The following TMEM184C variants were observed in gnomAD, a reference collection of about 807,000 sequenced individuals.
TMEM184C encodes the protein transmembrane protein 184C.
TMEM184C carries 25 observed loss-of-function variants against 54.5 expected under a neutral mutation model. The observed-to-expected ratio is 0.46, with a 90% CI of 0.33 to 0.64. TMEM184C has a LOEUF of 0.64. Ranked by LOEUF, TMEM184C falls within the 30% of genes least tolerant of loss-of-function variation. TMEM184C has a pLI of 0.02. For synonymous variants in TMEM184C, 148 were observed against 181.5 expected, an observed-to-expected ratio of 0.82 and a Z score of 1.49; for missense variants, 335 against 520.3, an observed-to-expected ratio of 0.64 and a Z score of 3.46.
intron 4 of TMEM184C, among the ~76,000 whole-genome samples, chr4:147,627,194 G>C (rs1181657273): frequency 6.6e-6 from 1 of 152,174 alleles, no homozygotes; most frequent in African/African-American, 2.4e-5. Context: ...GGCATCAGAG[G>C]CTTGTCTAAA....
intron 1 of TMEM184C, among the ~76,000 whole-genome samples, chr4:147,623,009 G>A (rs1034650449): frequency 5.3e-5 from 8 of 152,150 alleles, no homozygotes; most frequent in Non-Finnish European, 1.0e-4. Context: ...GCAATCATGA[G>A]CCACCTCACT....
At chr4:147,627,925 G>C (rs1464698402) in intron 4 of TMEM184C, among the ~76,000 whole-genome samples, 2 of 150,804 alleles carry the variant, frequency 1.3e-5, no homozygotes, top group African/African-American at 4.9e-5. Flanking sequence ...CTACTCAGGA[G>C]GCTGAGGTGG....
At chr4:147,626,565 C>T (rs1732819258) in intron 4 of TMEM184C, among the ~76,000 whole-genome samples, 1 of 152,140 alleles carries the variant, frequency 6.6e-6, no homozygotes, top group African/African-American at 2.4e-5. Context: ...TGTACAACGT[C>T]CTGACAAATT....
intron 3 of TMEM184C, 50 bp downstream of exon 3, chr4:147,624,148 A>G: frequency 1.4e-6 from 2 of 1,464,698 alleles, no homozygotes; most frequent in Non-Finnish European, 1.9e-6. Context: ...GTTTGATGAT[A>G]CTATAATTAC....
intron 3 of TMEM184C, 150 bp from the exon 4 acceptor site, chr4:147,624,654 C>T: frequency 3.0e-6 from 2 of 657,022 alleles, no homozygotes; most frequent in South Asian, 2.1e-5. Flanking sequence ...GATTGATAGC[C>T]CTCATAATGA....
chr4:147,623,738 C>T, intron 1 of TMEM184C, 96 bp from the exon 2 acceptor site: 1 of 1,246,504 alleles, frequency 8.0e-7, no homozygotes, highest in Non-Finnish European at 1.1e-6. Context: ...TCGGCCTCCC[C>T]AAGTGCTAGG....
Position 147,632,818 on chromosome 4 carries a change from A to T in TMEM184C, c.780-85A>T, listed in dbSNP as rs1034287429. 4 of 1,183,274 alleles carry T rather than the reference A, an allele frequency of 3.4e-6. No homozygotes were observed. In the African/African-American group the frequency reaches 4.6e-5, roughly 14 times the overall value. The allele number at this position is 1,183,274 out of a possible 1,614,324, so 73.3% of individuals were successfully genotyped here. On this transcript the variant is annotated intron_variant, in intron 7 of 9. Transcript: ENST00000296582. ...GGTGGTGGTACACAGGTTGCACTGG[A>T]TTTTTTTTTAATGGCACATTTTTAA...
chr4:147,634,395 A>G lies in TMEM184C; in HGVS notation c.1278A>G (p.Gly426=), dbSNP rs1578863158. Residue 426 remains glycine (G), a synonymous_variant, in exon 10 of 10, where the codon GGA becomes GGG. Coordinates refer to ENST00000296582, the MANE Select transcript of TMEM184C (RefSeq NM_018241.3). ...ISDEILSDTI[G]EKKEPSDKSV... is the part of the protein sequence containing the mutation. ...ATGAAATCCTTAGTGATACTATAGG[A>G]GAGAAAAAAGAACCTTCAGATAAAT... The G allele has an allele frequency of 1.2e-6, 2 of 1,614,050 alleles. No individual in the cohort carries two copies. The highest frequency in any genetic ancestry group is 1.7e-6 in the Non-Finnish European group (2 of 1,180,002).
At chr4:147,631,249 G>T in intron 6 of TMEM184C, 144 bp from the exon 7 acceptor site, 1 of 557,314 alleles carries the variant, frequency 1.8e-6, no homozygotes, top group South Asian at 2.9e-5. Context: ...AACTATGAAA[G>T]CTTGTTAATC....
In TMEM184C at chr4:147,633,776, C is replaced by T; in HGVS notation, c.891C>T (p.Ile297=). The change falls in exon 9 of 10, where the codon ATC becomes ATT. Residue 297 remains isoleucine, a synonymous_variant. Coordinates refer to ENST00000296582, the MANE Select transcript of TMEM184C (RefSeq NM_018241.3). ...AVATGLQDFI[I]CIEMFLAAIA... The stretch of plus-strand genomic sequence containing the variant: ...TGTTGTTCTCATAGGATTTTATTAT[C>T]TGTATTGAGATGTTCCTCGCTGCCA... 1 of 1,572,912 alleles carries T rather than the reference C, an allele frequency of 6.4e-7. No individual in the cohort carries two copies.
At position 147,624,977 on chromosome 4, in the gene TMEM184C, T is replaced by G. The variant is rs781674911; in HGVS notation, c.465T>G (p.Pro155=). ...AAGATCAACAGAAACATTTCCCTCC[T>G]TTATGTTGCTGTCCACCATGGGCTA... ...EAKDQQKHFP[P]LCCCPPWAMG... Residue 155 remains proline, a synonymous_variant, in exon 4 of 10, where the codon CCT becomes CCG. Coordinates refer to ENST00000296582, the MANE Select transcript of TMEM184C (RefSeq NM_018241.3). The G allele has an allele frequency of 6.2e-7, 1 of 1,613,846 alleles. No individual in the cohort carries two copies. The highest frequency in any genetic ancestry group is 1.3e-5 in the African/African-American group (1 of 74,928).
rs555600559 is a variant in TMEM184C, at chr4:147,632,778, C to T, written c.780-125C>T. 2.2e-5 allele frequency: 14 copies of T among 640,464 alleles called. 1 individual carries two copies. The Admixed American group carries it at 4.2e-4, about 19-fold the overall frequency. The allele number at this position is 640,464 out of a possible 1,614,324, so 39.7% of individuals were successfully genotyped here. On this transcript the variant is annotated intron_variant, in intron 7 of 9. Transcript: ENST00000296582. The stretch of plus-strand genomic sequence containing the variant: ...AACATAGAGTTTCTTCAGCAATATG[C>T]TGTAAAGGCAGGGTGGTGGTGGTAC...
Position 147,624,102 on chromosome 4 carries a change from A to C in TMEM184C, c.291+4A>C. ...ACCTATTTACAGTTTAGATAGTGTA[A>C]GTATGTTTCATTTTTATCTCATTAA... On this transcript the variant is annotated splice_donor_region_variant and intron_variant, in intron 3 of 9. Transcript: ENST00000296582. The C allele has an allele frequency of 6.3e-7, 1 of 1,592,830 alleles. No individual in the cohort carries two copies. The highest frequency in any genetic ancestry group is 8.6e-7 in the Non-Finnish European group (1 of 1,164,012).
intron 4 of TMEM184C, 123 bp from the exon 5 acceptor site, chr4:147,628,238 A>G: frequency 4.2e-6 from 3 of 722,408 alleles, no homozygotes; most frequent in Non-Finnish European, 7.0e-6. Context: ...GGATGACTAC[A>G]TTGAAAGAAT....
chr4:147,628,572 G>GAA (rs1732855814), intron 5 of TMEM184C, 137 bp downstream of exon 5: 8 of 680,606 alleles, frequency 1.2e-5, no homozygotes. Flanking sequence ...ACACTGTATA[G>GAA]AAACTCACTC....
At chr4:147,627,296 C>A (rs1732832344) in intron 4 of TMEM184C, among the ~76,000 whole-genome samples, 1 of 150,552 alleles carries the variant, frequency 6.6e-6, no homozygotes, top group African/African-American at 2.5e-5. Context: ...TCAAAGATTA[C>A]TGTGTTTTTT....
rs1424572484 is a variant in TMEM184C, at chr4:147,633,848, A to G, written c.963A>G (p.Ala321=). 3 of 1,613,870 alleles carry G rather than the reference A, an allele frequency of 1.9e-6. No homozygotes were observed. The African/African-American group carries it at 4.0e-5, about 22-fold the overall frequency. Reference sequence around the variant, plus strand: ...CATATAAACCATATGTCCAAGAAGCAGAAGAGGGCTCATGCTTTGATTCCT... The same window carrying G: ...CATATAAACCATATGTCCAAGAAGCGGAAGAGGGCTCATGCTTTGATTCCT... ...TFSYKPYVQE[A]EEGSCFDSFL... is the part of the protein sequence containing the mutation. The change falls in exon 9 of 10, where the codon GCA becomes GCG. Residue 321 remains alanine (A), a synonymous_variant. Transcript: ENST00000296582.
chr4:147,621,989 CTT>C (rs148922114), intron 1 of TMEM184C, among the ~76,000 whole-genome samples: 3 of 142,198 alleles, frequency 2.1e-5, no homozygotes, highest in Non-Finnish European at 1.5e-5. Context: ...TTTTTTCTTT[CTT>C]TTTTTTTTTT....
chr4:147,623,931 AT>A lies in TMEM184C; in HGVS notation c.222del (p.Tyr74Ter). 6.2e-7 allele frequency: 1 copy of A among 1,614,044 alleles called. No homozygotes were observed. The highest frequency in any genetic ancestry group is 8.5e-7 in the Non-Finnish European group (1 of 1,179,948). On this transcript the variant is annotated frameshift_variant, in exon 2 of 10. Coordinates refer to ENST00000296582, the MANE Select transcript of TMEM184C (RefSeq NM_018241.3). LOFTEE classifies it high-confidence loss of function. ...GTGATATTGCAACACTTAGTGCATT[AT>A]ACACAACCTGAACTACAAAAACCAA... ...LWVILQHLVH[Y>X]TQPELQKPII...
Sources: allele counts gnomAD v4.1 joint callset (sites outside exome capture counted in the v4.1 genomes callset), GRCh38; gene constraint gnomAD v4.1.1; transcripts MANE v1.5; gene names NCBI Gene and HGNC (gene_info 2026-07-23, HGNC 2026-07-21).